The following NALF1 variants were observed in gnomAD, a reference collection of about 807,000 sequenced individuals.
The protein encoded by NALF1 is family with sequence similarity 155 member A.
In NALF1, 3 loss-of-function variants were observed where a neutral mutation model predicts 48.4. The ratio of observed to expected loss-of-function variants is 0.06; its 90% CI spans 0.03 to 0.16. The LOEUF (loss-of-function observed/expected upper bound fraction) is 0.16. Among genes scored for constraint, NALF1 ranks in the 10% least tolerant of loss-of-function variants. The probability of loss-of-function intolerance (pLI) is 1.00; values close to 1 mark genes in which losing one functional copy is unlikely to be tolerated. For synonymous variants in NALF1, 262 were observed against 245.7 expected (o/e 1.07, Z -0.62); for missense variants, 526 against 571.5 (o/e 0.92, Z 0.81).
intron 1 of NALF1, among the ~76,000 whole-genome samples, chr13:107,225,665 G>A (rs1311045941): frequency 1.3e-5 from 2 of 152,158 alleles, no homozygotes; most frequent in African/African-American, 2.4e-5. Context: ...TCAACAGTGT[G>A]TATGGAATAG....
At position 107,265,469 on chromosome 13, in the gene NALF1, G is replaced by A. The variant is rs1425507155; in HGVS notation, c.916-54714C>T. 2.0e-5 allele frequency among the ~76,000 whole-genome samples: 3 copies of A among 152,102 alleles called. No homozygotes were observed. In the East Asian group the frequency reaches 5.8e-4, roughly 29 times the overall value. The stretch of plus-strand genomic sequence containing the variant: ...AGTTTCACTTTTGTCACCCAGGCTG[G>A]AGTGCAGTGGCTCGATCTTGGCTCA... On this transcript the variant is annotated intron_variant, in intron 1 of 2. Coordinates refer to ENST00000375915, the MANE Select transcript of NALF1 (RefSeq NM_001080396.3).
chr13:107,810,650 GATC>G (rs1878961276), intron 1 of NALF1, among the ~76,000 whole-genome samples: 1 of 152,052 alleles, frequency 6.6e-6, no homozygotes, highest in Admixed American at 6.6e-5. Context: ...GTTATTGGCA[GATC>G]ATTATTTTTA....
intron 1 of NALF1, among the ~76,000 whole-genome samples, chr13:107,341,679 T>C (rs1882684353): frequency 6.6e-6 from 1 of 151,368 alleles, no homozygotes; most frequent in Admixed American, 6.6e-5. Flanking sequence ...ATATGGGATA[T>C]ACATGTATAT....
At chr13:107,811,250 T>A (rs1878981094) in intron 1 of NALF1, among the ~76,000 whole-genome samples, 1 of 152,186 alleles carries the variant, frequency 6.6e-6, no homozygotes, top group Admixed American at 6.5e-5. Context: ...TACAATTTCA[T>A]ACTTGTTTTT....
Position 107,170,129 on chromosome 13 carries a change from T to G in NALF1, c.*368A>C, listed in dbSNP as rs748696517. 1.0e-5 allele frequency: 2 copies of G among 197,364 alleles called. No homozygotes were observed. Among genetic ancestry groups the G allele is most frequent in the African/African-American group, 2.3e-5 (1 of 43,192 alleles). The allele number at this position is 197,364 out of a possible 1,614,324, so 12.2% of individuals were successfully genotyped here. A position where few individuals can be genotyped will look rare whatever the true frequency, so the allele number is the denominator to read the frequency against. ...CAATGACTAGAAATATATAGAGAGA[T>G]AGAGACAGTGAAAAGACTTAGTTTA... On this transcript the variant is annotated 3_prime_UTR_variant, in exon 3 of 3. Transcript: ENST00000375915.
chr13:107,710,630 G>A (rs550748792), intron 1 of NALF1, among the ~76,000 whole-genome samples: 2 of 149,244 alleles, frequency 1.3e-5, no homozygotes, highest in Admixed American at 6.6e-5. Flanking sequence ...CTCAGATCTC[G>A]TGAGAACTCA....
intron 1 of NALF1, among the ~76,000 whole-genome samples, chr13:107,657,647 GTGACTACTC>G (rs1476657820): frequency 6.6e-5 from 10 of 152,166 alleles, no homozygotes; most frequent in African/African-American, 2.2e-4. Context: ...TGGCTGAACA[GTGACTACTC>G]TGAATACTCA....
At chr13:107,203,442 G>A (rs1879564363) in intron 2 of NALF1, among the ~76,000 whole-genome samples, 1 of 152,202 alleles carries the variant, frequency 6.6e-6, no homozygotes, top group Non-Finnish European at 1.5e-5. Context: ...GCCTCTCTGA[G>A]GGCAGTGCGC....
Position 107,773,818 on chromosome 13 carries a change from T to C in NALF1, c.915+91864A>G, listed in dbSNP as rs188038248. Among the ~76,000 whole-genome samples the C allele has an allele frequency of 4.6e-3, 697 of 151,832 alleles. 25 individuals carry two copies. The highest frequency in any genetic ancestry group is 0.041 in the Admixed American group (621 of 15,194). On this transcript the variant is annotated intron_variant, in intron 1 of 2. Coordinates refer to ENST00000375915, the MANE Select transcript of NALF1 (RefSeq NM_001080396.3). ...GGGTGTAGCACACCAACATGGCACA[T>C]GTATACATATGTAACAAACCTGCAC... is the stretch of plus-strand genomic sequence containing the variant.
intron 1 of NALF1, among the ~76,000 whole-genome samples, chr13:107,329,475 C>T (rs921995077): frequency 2.6e-5 from 4 of 151,858 alleles, no homozygotes; most frequent in African/African-American, 4.8e-5. Flanking sequence ...CCTGGGAATA[C>T]CTGGCTTCAC....
At chr13:107,818,888 A>G (rs1879269286) in intron 1 of NALF1, among the ~76,000 whole-genome samples, 1 of 150,424 alleles carries the variant, frequency 6.6e-6, no homozygotes, top group Non-Finnish European at 1.5e-5. Flanking sequence ...AAAAAAAAAA[A>G]AAAAAAAATC....
chr13:107,617,985 A>G (rs779451159), intron 1 of NALF1, among the ~76,000 whole-genome samples: 1 of 152,224 alleles, frequency 6.6e-6, no homozygotes, highest in Non-Finnish European at 1.5e-5. Context: ...ACATATATTT[A>G]TTGAGATAGT....
intron 1 of NALF1, among the ~76,000 whole-genome samples, chr13:107,443,167 ACAATCTATCTATCTAT>A (rs1401316491): frequency 2.6e-4 from 36 of 138,388 alleles, no homozygotes; most frequent in Non-Finnish European, 3.4e-4. Context: ...TATTTATCTA[ACAATCTATCTATCTAT>A]CTATCTATCT....
intron 1 of NALF1, among the ~76,000 whole-genome samples, chr13:107,819,774 A>C (rs552851008): frequency 6.6e-6 from 1 of 150,952 alleles, no homozygotes; most frequent in Admixed American, 6.6e-5. Context: ...TCACACACAC[A>C]CACACAGCAC....
intron 1 of NALF1, among the ~76,000 whole-genome samples, chr13:107,272,078 G>A (rs1330975080): frequency 1.3e-5 from 2 of 150,960 alleles, no homozygotes; most frequent in African/African-American, 2.4e-5. Flanking sequence ...TACATGCAAA[G>A]ACATGAATGT....
chr13:107,382,602 T>C (rs1254600605), intron 1 of NALF1, among the ~76,000 whole-genome samples: 1 of 152,212 alleles, frequency 6.6e-6, no homozygotes, highest in African/African-American at 2.4e-5. Flanking sequence ...AATGCCTCTG[T>C]GATGTCAGGG....
At chr13:107,271,986 G>A (rs900862136) in intron 1 of NALF1, among the ~76,000 whole-genome samples, 10 of 151,228 alleles carry the variant, frequency 6.6e-5, no homozygotes, top group African/African-American at 1.2e-4. Context: ...ACATTCAGGC[G>A]GGTCTCCAAC....
At chr13:107,186,451 T>C (rs1456242659) in intron 2 of NALF1, among the ~76,000 whole-genome samples, 1 of 152,158 alleles carries the variant, frequency 6.6e-6, no homozygotes, top group Non-Finnish European at 1.5e-5. Flanking sequence ...CACGGCAACC[T>C]CTGCCTCCCG....
intron 1 of NALF1, among the ~76,000 whole-genome samples, chr13:107,328,000 A>G (rs1013347291): frequency 6.6e-6 from 1 of 151,844 alleles, no homozygotes; most frequent in Non-Finnish European, 1.5e-5. Flanking sequence ...AACTCACCAC[A>G]GCCTCAACCT....
Sources: allele counts gnomAD v4.1 joint callset (sites outside exome capture counted in the v4.1 genomes callset), GRCh38; gene constraint gnomAD v4.1.1; transcripts MANE v1.5; gene names NCBI Gene and HGNC (gene_info 2026-07-23, HGNC 2026-07-21).